LTV1: variants seen among roughly 807,000 people sequenced by gnomAD.
The protein encoded by LTV1 is protein LTV1 homolog.
A neutral mutation model predicts 59.9 loss-of-function variants in LTV1; 39 were observed. The ratio of observed to expected loss-of-function variants is 0.65; its 90% CI spans 0.50 to 0.85. The LOEUF is 0.85. LTV1 is among the 40% of genes least tolerant of loss of function. The probability of loss-of-function intolerance (pLI) is 0.00; values close to 1 mark genes in which losing one functional copy is unlikely to be tolerated. For missense variants in LTV1, 493 were observed against 549.1 expected (o/e 0.90, Z 1.02); for synonymous variants, 171 against 189.5 (o/e 0.90, Z 0.80).
chr6:143,852,374 T>A (rs1033978046), intron 4 of LTV1, among the ~76,000 whole-genome samples: 1 of 152,256 alleles, frequency 6.6e-6, no homozygotes, highest in Admixed American at 6.5e-5. Context: ...TGTCTTCATT[T>A]GAGAAATATC....
chr6:143,848,969 A>G (rs1411451152), intron 3 of LTV1, among the ~76,000 whole-genome samples: 1 of 152,236 alleles, frequency 6.6e-6, no homozygotes, highest in East Asian at 1.9e-4. Flanking sequence ...ATGGTCATAT[A>G]GAATAACTGA....
At position 143,843,356 on chromosome 6, in the gene LTV1, C is replaced by A; in HGVS notation, c.-122C>A. On this transcript the variant is annotated 5_prime_UTR_variant, in exon 1 of 11. Coordinates refer to ENST00000367576, the MANE Select transcript of LTV1 (RefSeq NM_032860.5). ...CGGCTGGGTGACGTTATCGCCGGGT[C>A]CTGGGGCTGCACGTGTGGTGAGGCC... 1 of 1,231,928 alleles carries A rather than the reference C, an allele frequency of 8.1e-7. No homozygotes were observed. Among genetic ancestry groups the A allele is most frequent in the Non-Finnish European group, 1.2e-6 (1 of 843,194 alleles). 76.3% of individuals were successfully genotyped at this position (1,231,928 alleles called of 1,614,324 possible).
rs1777090816 is a variant in LTV1 at position 143,857,195 on chromosome 6, C to T, written c.398-108C>T. ...CTTAGTTCTTAATCGTTCTTTTATC[C>T]TCAATATATTAATAGACTCTTGCTA... On this transcript the variant is annotated intron_variant, in intron 4 of 10. Transcript: ENST00000367576. The surrounding 1 kb of genome is among the most constrained non-coding windows in gnomAD (Gnocchi z 5.2). The T allele has an allele frequency of 6.2e-6, 8 of 1,288,478 alleles. No individual in the cohort carries two copies. The highest frequency in any genetic ancestry group is 1.5e-5 in the African/African-American group (1 of 66,652). 79.8% of individuals were successfully genotyped at this position (1,288,478 alleles called of 1,614,324 possible).
chr6:143,863,399 T>A lies in LTV1; in HGVS notation c.1318-18T>A. 1 of 1,604,222 alleles carries A rather than the reference T, an allele frequency of 6.2e-7. No individual in the cohort carries two copies. ...TAAAGATGTGAATAATACAAGTATA[T>A]TCTTGTACTTATAACAGGAACGAAG... On this transcript the variant is annotated intron_variant, in intron 10 of 10. Coordinates refer to ENST00000367576, the MANE Select transcript of LTV1 (RefSeq NM_032860.5). The surrounding 1 kb of genome is among the most constrained non-coding windows in gnomAD (Gnocchi z 4.5).
chr6:143,857,940 A>G lies in LTV1; in HGVS notation c.728A>G (p.Tyr243Cys). ...SEETKSRFTE[Y>C]SMTSSVMRRN... The stretch of plus-strand genomic sequence containing the variant: ...GAAACAAAGAGTCGCTTCACGGAGT[A>G]TTCGATGACTTCCTCAGTCATGAGG... Residue 243 changes from tyrosine to cysteine, a missense_variant, in exon 6 of 11, where the codon TAT becomes TGT. By Grantham distance (194) the Tyr-to-Cys change is radical. Coordinates refer to ENST00000367576, the MANE Select transcript of LTV1 (RefSeq NM_032860.5). This position sits in a 1 kb window ranked among gnomAD's most constrained non-coding sequence, Gnocchi z 5.2. 6.2e-7 allele frequency: 1 copy of G among 1,614,164 alleles called. No homozygotes were observed. The highest frequency in any genetic ancestry group is 8.5e-7 in the Non-Finnish European group (1 of 1,180,020).
At chr6:143,861,877 T>TAGATG (rs1452299308) in intron 7 of LTV1, among the ~76,000 whole-genome samples, 5 of 152,022 alleles carry the variant, frequency 3.3e-5, no homozygotes, top group Non-Finnish European at 5.9e-5. Flanking sequence ...AAGACACAGC[T>TAGATG]AGATGTTACC....
intron 2 of LTV1, among the ~76,000 whole-genome samples, chr6:143,845,066 T>G (rs1314092997): frequency 6.6e-6 from 1 of 152,154 alleles, no homozygotes; most frequent in Non-Finnish European, 1.5e-5. Flanking sequence ...AACTGTGCTT[T>G]CTCTAAGATC....
intron 6 of LTV1, among the ~76,000 whole-genome samples, chr6:143,858,902 A>G (rs1047685057): frequency 2.0e-5 from 3 of 152,146 alleles, no homozygotes; most frequent in African/African-American, 7.2e-5. Context: ...GCATAAAAGC[A>G]CCTTAGTTAT....
chr6:143,862,991 G>A lies in LTV1; in HGVS notation c.1116+95G>A. On this transcript the variant is annotated intron_variant, in intron 9 of 10. Transcript: ENST00000367576. This position sits in a 1 kb window ranked among gnomAD's most constrained non-coding sequence, Gnocchi z 4.2. ...ATAACTTTTTATCTTTATGGCTAGA[G>A]TGATATTAGAAAAAGCATCAACAGT... 1 of 1,446,356 alleles carries A rather than the reference G, an allele frequency of 6.9e-7. No individual in the cohort carries two copies. Among genetic ancestry groups the A allele is most frequent in the Non-Finnish European group, 9.7e-7 (1 of 1,030,126 alleles). The allele number at this position is 1,446,356 out of a possible 1,614,324, so 89.6% of individuals were successfully genotyped here.
At chr6:143,848,407 A>T (rs1483823596) in intron 3 of LTV1, among the ~76,000 whole-genome samples, 1 of 152,144 alleles carries the variant, frequency 6.6e-6, no homozygotes, top group African/African-American at 2.4e-5. Flanking sequence ...ATCTTTGCCC[A>T]TGTTTGTGCT....
At chr6:143,854,064 G>A (rs1777033982) in intron 4 of LTV1, among the ~76,000 whole-genome samples, 1 of 152,202 alleles carries the variant, frequency 6.6e-6, no homozygotes, top group African/African-American at 2.4e-5. Context: ...GAATTTGGCT[G>A]TGAATCTGTC....
intron 2 of LTV1, among the ~76,000 whole-genome samples, chr6:143,845,283 CAG>C (rs1364836519): frequency 1.3e-5 from 2 of 151,692 alleles, no homozygotes; most frequent in Non-Finnish European, 2.9e-5. Flanking sequence ...TGTTGGGAAA[CAG>C]AGTACTGGGG....
chr6:143,843,535 G>A (rs1776836918), intron 1 of LTV1, 55 bp downstream of exon 1: 2 of 1,610,588 alleles, frequency 1.2e-6, no homozygotes, highest in Admixed American at 3.3e-5. Context: ...GCAGAGGCCA[G>A]GCTGCTTCCG....
chr6:143,854,824 T>C (rs1777045795), intron 4 of LTV1, among the ~76,000 whole-genome samples: 1 of 152,222 alleles, frequency 6.6e-6, no homozygotes, highest in African/African-American at 2.4e-5. Context: ...TTTGTTATGA[T>C]TGCCATTCTT....
Position 143,857,044 on chromosome 6 carries a change from T to C in LTV1, c.398-259T>C, listed in dbSNP as rs2128491845. ...TGAAGCTGTGCCCACAGCCGCCCCT[T>C]CCCCCAGGTGCTCTGTCCCAGGAAG... On this transcript the variant is annotated intron_variant, in intron 4 of 10. Coordinates refer to ENST00000367576, the MANE Select transcript of LTV1 (RefSeq NM_032860.5). The surrounding 1 kb of genome is among the most constrained non-coding windows in gnomAD (Gnocchi z 5.2). 6.6e-6 allele frequency among the ~76,000 whole-genome samples: 1 copy of C among 152,304 alleles called. No homozygotes were observed. Among genetic ancestry groups the C allele is most frequent in the Middle Eastern group, 3.4e-3 (1 of 294 alleles).
At chr6:143,854,067 A>G (rs1425883423) in intron 4 of LTV1, among the ~76,000 whole-genome samples, 2 of 152,102 alleles carry the variant, frequency 1.3e-5, no homozygotes, top group African/African-American at 4.8e-5. Flanking sequence ...TTTGGCTGTG[A>G]ATCTGTCTGG....
chr6:143,851,104 A>C (rs1331491363), intron 4 of LTV1, among the ~76,000 whole-genome samples: 1 of 152,206 alleles, frequency 6.6e-6, no homozygotes, highest in African/African-American at 2.4e-5. Context: ...AATATAGGTA[A>C]CTATACACAT....
chr6:143,847,344 C>G (rs192979761), intron 3 of LTV1, among the ~76,000 whole-genome samples: 1 of 152,306 alleles, frequency 6.6e-6, no homozygotes, highest in African/African-American at 2.4e-5. Context: ...TTGACCAGTA[C>G]AAGACTAACT....
chr6:143,852,016 C>T (rs1052988813), intron 4 of LTV1, among the ~76,000 whole-genome samples: 13 of 152,104 alleles, frequency 8.5e-5, no homozygotes, highest in African/African-American at 3.1e-4. Context: ...CTATTGTGAA[C>T]AGTGCTACAA....
Sources: allele counts gnomAD v4.1 joint callset (sites outside exome capture counted in the v4.1 genomes callset), GRCh38; gene constraint gnomAD v4.1.1; non-coding constraint Gnocchi (gnomAD v3.1); transcripts MANE v1.5; gene names NCBI Gene and HGNC (gene_info 2026-07-23, HGNC 2026-07-21).